RANBP17: variants seen among roughly 807,000 people sequenced by gnomAD.
RANBP17 encodes the protein RAN binding protein 17, also known as ran-binding protein 17.
In RANBP17, 158 loss-of-function variants were observed where a neutral mutation model predicts 141.2. The ratio of observed to expected loss-of-function variants is 1.12; its 90% CI spans 0.98 to 1.28. The LOEUF (loss-of-function observed/expected upper bound fraction) is 1.28. Among genes scored for constraint, RANBP17 ranks in the 50% most tolerant of loss-of-function variants. RANBP17 has a pLI of 0.00. For missense variants in RANBP17, 1,438 were observed against 1,290.7 expected, an observed-to-expected ratio of 1.11 and a Z score of -1.75; for synonymous variants, 430 against 450.0, an observed-to-expected ratio of 0.96 and a Z score of 0.56.
intron 14 of RANBP17, among the ~76,000 whole-genome samples, chr5:171,117,805 T>C (rs1054061873): frequency 4.0e-5 from 6 of 151,110 alleles, no homozygotes; most frequent in Non-Finnish European, 5.9e-5. Context: ...TTTGCCCATT[T>C]TCTAATTGGA....
intron 20 of RANBP17, among the ~76,000 whole-genome samples, chr5:171,208,742 G>A (rs1762715971): frequency 6.6e-6 from 1 of 152,160 alleles, no homozygotes; most frequent in Admixed American, 6.5e-5. Flanking sequence ...TCTTGAGTAA[G>A]CTACTTAATA....
chr5:171,090,335 T>G (rs1399359313), intron 14 of RANBP17, among the ~76,000 whole-genome samples: 1 of 152,144 alleles, frequency 6.6e-6, no homozygotes, highest in African/African-American at 2.4e-5. Flanking sequence ...CCCTAGAGAT[T>G]TGTGGAATTT....
chr5:171,150,585 C>T (rs1378491725), intron 14 of RANBP17, among the ~76,000 whole-genome samples: 1 of 152,090 alleles, frequency 6.6e-6, no homozygotes, highest in Non-Finnish European at 1.5e-5. Context: ...ATTTTGTCCA[C>T]ATTATCACAA....
chr5:171,147,362 T>TGTGTGC (rs1347684787), intron 14 of RANBP17, among the ~76,000 whole-genome samples: 1 of 148,212 alleles, frequency 6.7e-6, no homozygotes, highest in African/African-American at 2.5e-5. Flanking sequence ...TGTGTGTGTG[T>TGTGTGC]GTGTGTGTGT....
chr5:171,234,339 G>T (rs1345263109), intron 22 of RANBP17, among the ~76,000 whole-genome samples: 1 of 152,134 alleles, frequency 6.6e-6, no homozygotes, highest in East Asian at 1.9e-4. Context: ...AACAAGAACA[G>T]TATCATATAA....
chr5:171,093,828 T>G (rs1786488186), intron 14 of RANBP17, among the ~76,000 whole-genome samples: 1 of 152,208 alleles, frequency 6.6e-6, no homozygotes, highest in Non-Finnish European at 1.5e-5. Context: ...TGAGCCAAGA[T>G]GATGAGTTGG....
chr5:171,267,729 C>T (rs927958737), intron 25 of RANBP17, among the ~76,000 whole-genome samples: 1 of 151,944 alleles, frequency 6.6e-6, no homozygotes, highest in African/African-American at 2.4e-5. Context: ...ATTGCTTGAA[C>T]CTGGGAAGCA....
chr5:170,914,760 A>G (rs1435097843), intron 8 of RANBP17, among the ~76,000 whole-genome samples: 2 of 152,118 alleles, frequency 1.3e-5, no homozygotes, highest in Non-Finnish European at 2.9e-5. Flanking sequence ...TGCATGCTTA[A>G]AAAGTTCTTG....
chr5:171,242,563 T>C, intron 23 of RANBP17, 119 bp from the exon 24 acceptor site: 1 of 1,038,042 alleles, frequency 9.6e-7, no homozygotes, highest in Non-Finnish European at 1.4e-6. Context: ...TATATATTTA[T>C]TGACCTTGTG....
intron 18 of RANBP17, among the ~76,000 whole-genome samples, chr5:171,186,399 A>G (rs1489641995): frequency 6.6e-6 from 1 of 152,082 alleles, no homozygotes; most frequent in Non-Finnish European, 1.5e-5. Flanking sequence ...AACCTCATGA[A>G]CCAACCTCTG....
intron 1 of RANBP17, among the ~76,000 whole-genome samples, chr5:170,869,921 T>A (rs999045702): frequency 2.0e-5 from 3 of 152,218 alleles, no homozygotes; most frequent in Admixed American, 2.0e-4. Context: ...CACTAACTCT[T>A]AATCCTCCAA....
intron 13 of RANBP17, among the ~76,000 whole-genome samples, chr5:170,963,503 C>T (rs1776294044): frequency 6.6e-6 from 1 of 152,182 alleles, no homozygotes; most frequent in South Asian, 2.1e-4. Flanking sequence ...CAGTAGGCCC[C>T]AGGGACTGGT....
chr5:170,945,119 A>G (rs1035665896), intron 12 of RANBP17, among the ~76,000 whole-genome samples: 7 of 152,096 alleles, frequency 4.6e-5, no homozygotes, highest in Non-Finnish European at 8.8e-5. Flanking sequence ...TTTTTCTGGA[A>G]TGTCTTTTAC....
chr5:171,191,810 A>G (rs1761668363), intron 18 of RANBP17, among the ~76,000 whole-genome samples: 1 of 152,196 alleles, frequency 6.6e-6, no homozygotes, highest in Non-Finnish European at 1.5e-5. Context: ...CTATTACTTC[A>G]TCTTTCACCT....
intron 14 of RANBP17, among the ~76,000 whole-genome samples, chr5:171,026,010 C>T (rs1458969669): frequency 6.6e-6 from 1 of 152,102 alleles, no homozygotes; most frequent in East Asian, 1.9e-4. Context: ...CTGTGTTGTT[C>T]GCCATTGCAT....
chr5:171,235,144 G>C (rs569155966), intron 22 of RANBP17, among the ~76,000 whole-genome samples: 1 of 152,266 alleles, frequency 6.6e-6, no homozygotes, highest in East Asian at 1.9e-4. Flanking sequence ...AGTCAATCAA[G>C]TAAGATGAAG....
chr5:171,055,252 G>A (rs1441861473), intron 14 of RANBP17, among the ~76,000 whole-genome samples: 1 of 152,118 alleles, frequency 6.6e-6, no homozygotes, highest in Non-Finnish European at 1.5e-5. Context: ...TTTCTTGTGA[G>A]CAGCAGCTAG....
chr5:170,972,066 A>G (rs181638435), intron 14 of RANBP17, among the ~76,000 whole-genome samples: 1 of 151,392 alleles, frequency 6.6e-6, no homozygotes, highest in Non-Finnish European at 1.5e-5. Context: ...TAAATTTAGT[A>G]TTATTCTCAT....
At chr5:171,184,619 C>T (rs1255766735) in intron 18 of RANBP17, among the ~76,000 whole-genome samples, 2 of 152,072 alleles carry the variant, frequency 1.3e-5, no homozygotes, top group African/African-American at 4.8e-5. Context: ...GTTAAGGGTT[C>T]TCACCACAAA....
Sources: allele counts gnomAD v4.1 joint callset (sites outside exome capture counted in the v4.1 genomes callset), GRCh38; gene constraint gnomAD v4.1.1; transcripts MANE v1.5; gene names NCBI Gene and HGNC (gene_info 2026-07-23, HGNC 2026-07-21).